SLAMF9: variants seen among roughly 807,000 people sequenced by gnomAD.
The protein encoded by SLAMF9 is SLAM family member 9.
A neutral mutation model predicts 30.4 loss-of-function variants in SLAMF9; 25 were observed. That is an observed-to-expected ratio of 0.82 (90% CI 0.60 to 1.15). The LOEUF (loss-of-function observed/expected upper bound fraction) is 1.15, where lower values mean the gene tolerates loss of function less well. Among genes scored for constraint, SLAMF9 ranks in the 50% most tolerant of loss-of-function variants. SLAMF9 has a pLI of 0.00. For missense variants in SLAMF9, 344 were observed against 346.1 expected, an observed-to-expected ratio of 0.99 and a Z score of 0.05; for synonymous variants, 129 against 127.2, an observed-to-expected ratio of 1.01 and a Z score of -0.09.
the SLAMF9 span, chr1:159,976,960 GAGA>G: frequency 1.5e-4 from 15 of 101,882 alleles, no homozygotes; most frequent in Admixed American, 1.3e-3. Context: ...AAGAAAGAAA[GAGA>G]AAGAAAGAAG....
chr1:159,963,372 G>A, the SLAMF9 span, among the ~76,000 whole-genome samples: 1 of 152,170 alleles, frequency 6.6e-6, no homozygotes, highest in Non-Finnish European at 1.5e-5. Context: ...AAGAACGTTA[G>A]CTGGCAGCAC....
At chr1:159,970,239 G>T in the SLAMF9 span, among the ~76,000 whole-genome samples, 1 of 152,160 alleles carries the variant, frequency 6.6e-6, no homozygotes, top group Non-Finnish European at 1.5e-5. Flanking sequence ...TTAGCTGAAT[G>T]ATTAGAAAGA....
At chr1:159,970,113 T>C in the SLAMF9 span, among the ~76,000 whole-genome samples, 1 of 152,170 alleles carries the variant, frequency 6.6e-6, no homozygotes, top group Non-Finnish European at 1.5e-5. Flanking sequence ...TCACCTTTGG[T>C]ATAGCCTTAA....
At chr1:159,964,298 C>T in the SLAMF9 span, among the ~76,000 whole-genome samples, 4 of 152,172 alleles carry the variant, frequency 2.6e-5, no homozygotes, top group East Asian at 1.9e-4. Flanking sequence ...GGGTTTCTTT[C>T]CCCCTAAGTA....
At position 159,952,450 on chromosome 1, in the gene SLAMF9, T is replaced by C; in HGVS notation, c.476A>G (p.Glu159Gly). 1.2e-6 allele frequency: 2 copies of C among 1,614,024 alleles called. No individual in the cohort carries two copies. Among genetic ancestry groups the C allele is most frequent in the Non-Finnish European group, 1.7e-6 (2 of 1,179,990 alleles). ...GTAGGTCATATCCATGCCTGCCTTC[T>C]CCACAGAGCACACCAGGGACATACT... ...ACSMSLVCSV[E>G]KAGMDMTYSW... The change falls in exon 3 of 4, where the codon GAG becomes GGG. Residue 159 changes from glutamate to glycine, a missense_variant. Glu to Gly is a moderately conservative substitution (Grantham distance 98). Transcript: ENST00000368093.
the SLAMF9 span, among the ~76,000 whole-genome samples, chr1:159,973,636 G>C: frequency 6.6e-6 from 1 of 152,188 alleles, no homozygotes; most frequent in African/African-American, 2.4e-5. Flanking sequence ...GGGGAGATGG[G>C]GGTATTGAGA....
chr1:159,972,054 A>G, the SLAMF9 span, among the ~76,000 whole-genome samples: 1 of 152,186 alleles, frequency 6.6e-6, no homozygotes, highest in Non-Finnish European at 1.5e-5. Flanking sequence ...GGAGACGTAG[A>G]CAACCCTGGG....
intron 3 of SLAMF9, among the ~76,000 whole-genome samples, 191 bp from the exon 4 acceptor site, chr1:159,952,057 C>CAAGCAAGAGAAAAG (rs1651763836): frequency 6.6e-6 from 1 of 152,102 alleles, no homozygotes; most frequent in African/African-American, 2.4e-5. Context: ...ATTCTGAAGC[C>CAAGCAAGAGAAAAG]AAGCAAGAGA....
chr1:159,958,338 A>G (rs1336008343), upstream of SLAMF9, among the ~76,000 whole-genome samples: 1 of 152,198 alleles, frequency 6.6e-6, no homozygotes, highest in African/African-American at 2.4e-5. Flanking sequence ...GTAGGCATAA[A>G]CAGTCCATGA....
the SLAMF9 span, among the ~76,000 whole-genome samples, chr1:159,971,859 T>C: frequency 6.6e-6 from 1 of 152,014 alleles, no homozygotes; most frequent in Non-Finnish European, 1.5e-5. Flanking sequence ...GACAAACAGC[T>C]ATTGTTTCTC....
chr1:159,964,438 A>G, the SLAMF9 span, among the ~76,000 whole-genome samples: 1 of 152,220 alleles, frequency 6.6e-6, no homozygotes. Flanking sequence ...GCAGGGAAGC[A>G]GGTGCAAAGC....
At chr1:159,962,664 A>G in the SLAMF9 span, among the ~76,000 whole-genome samples, 1 of 152,192 alleles carries the variant, frequency 6.6e-6, no homozygotes, top group Non-Finnish European at 1.5e-5. Context: ...GGTTTGTATG[A>G]GACAAGCAGT....
chr1:159,965,921 A>G, the SLAMF9 span, among the ~76,000 whole-genome samples: 7 of 152,358 alleles, frequency 4.6e-5, no homozygotes, highest in African/African-American at 1.7e-4. Flanking sequence ...AAATCAAGCT[A>G]ATTAACATAT....
the SLAMF9 span, among the ~76,000 whole-genome samples, chr1:159,972,035 C>T: frequency 0.012 from 1,861 of 152,230 alleles, 152 homozygotes; most frequent in Admixed American, 0.11. Flanking sequence ...CAGCAGCAAA[C>T]GGGAAGCAGG....
At chr1:159,973,409 C>T in the SLAMF9 span, 7,266 of 510,216 alleles carry the variant, frequency 0.014, 73 homozygotes, top group Non-Finnish European at 0.019. Flanking sequence ...AGTTTCATCA[C>T]CAAGACCTGT....
At chr1:159,954,277 C>T (rs1480650943), upstream of SLAMF9, 1 of 889,742 alleles carries the variant, frequency 1.1e-6, no homozygotes, top group Non-Finnish European at 1.7e-6. Flanking sequence ...CCCCTGACTA[C>T]AGCCCTCTGA....
chr1:159,952,175 C>A (rs1240314268), intron 3 of SLAMF9, 87 bp downstream of exon 3: 14 of 1,488,298 alleles, frequency 9.4e-6, no homozygotes, highest in Non-Finnish European at 1.3e-5. Context: ...ATTCCCTGGG[C>A]TCTCTTGGGA....
intron 1 of SLAMF9, among the ~76,000 whole-genome samples, chr1:159,953,865 AC>A (rs1651862370): frequency 6.6e-6 from 1 of 151,802 alleles, no homozygotes; most frequent in Non-Finnish European, 1.5e-5. Context: ...CTGTCCCTTC[AC>A]CCTCCAAGTT....
intron 1 of SLAMF9, 71 bp from the exon 2 acceptor site, chr1:159,953,724 T>A (rs1211798575): frequency 7.2e-7 from 1 of 1,396,490 alleles, no homozygotes; most frequent in East Asian, 2.3e-5. Flanking sequence ...GCAGTGGAGC[T>A]GCCAGAGTAG....
Sources: allele counts gnomAD v4.1 joint callset (sites outside exome capture counted in the v4.1 genomes callset), GRCh38; gene constraint gnomAD v4.1.1; transcripts MANE v1.5; gene names NCBI Gene and HGNC (gene_info 2026-07-23, HGNC 2026-07-21).